RIMS1: variants seen among roughly 807,000 people sequenced by gnomAD.
RIMS1 encodes the protein regulating synaptic membrane exocytosis 1, also known as regulating synaptic membrane exocytosis protein 1.
Under a neutral mutation model 214.1 loss-of-function variants are expected in RIMS1, and 83 were observed. That is an observed-to-expected ratio of 0.39 (90% CI 0.32 to 0.47). The LOEUF (loss-of-function observed/expected upper bound fraction) is 0.47. Ranked by LOEUF, RIMS1 falls within the 20% of genes least tolerant of loss-of-function variation. RIMS1 has a pLI of 0.99. For missense variants in RIMS1, 2,050 were observed against 2,161.8 expected, an observed-to-expected ratio of 0.95 and a Z score of 1.03; for synonymous variants, 793 against 786.8, an observed-to-expected ratio of 1.01 and a Z score of -0.13.
intron 2 of RIMS1, among the ~76,000 whole-genome samples, chr6:72,029,561 TATTGGACTTCCC>T (rs1817510058): frequency 6.6e-6 from 1 of 152,168 alleles, no homozygotes; most frequent in African/African-American, 2.4e-5. Context: ...GGCATCATGA[TATTGGACTTCCC>T]AGCCTCTAGA....
intron 28 of RIMS1, among the ~76,000 whole-genome samples, chr6:72,326,057 T>C (rs1357668292): frequency 5.3e-5 from 8 of 151,824 alleles, no homozygotes; most frequent in Non-Finnish European, 1.0e-4. Flanking sequence ...ATTTTTGTTA[T>C]TTAACTTTTA....
At chr6:72,296,969 A>G (rs989705576) in intron 26 of RIMS1, among the ~76,000 whole-genome samples, 7 of 151,860 alleles carry the variant, frequency 4.6e-5, no homozygotes, top group African/African-American at 1.4e-4. Flanking sequence ...AATACCAAAT[A>G]TATTATTTCT....
chr6:72,129,652 A>G (rs2040139489), intron 4 of RIMS1, among the ~76,000 whole-genome samples: 1 of 152,088 alleles, frequency 6.6e-6, no homozygotes, highest in East Asian at 1.9e-4. Context: ...ATAAGCCTTA[A>G]TCAGTACTGC....
rs144191085 is a variant in RIMS1 at position 72,126,581 on chromosome 6, C to CA, written c.471+26605dup. On this transcript the variant is annotated intron_variant, in intron 4 of 33. Transcript: ENST00000521978. ...AACTCAAACAAATCAACAAGAAAAACAAAAAAAAAATAATTCCATCAAAAC... is the reference window on the plus strand; with the variant it reads ...AACTCAAACAAATCAACAAGAAAAACAAAAAAAAAAATAATTCCATCAAAAC... 1,047 of 160,540 alleles carry CA rather than the reference C, an allele frequency of 6.5e-3. 5 individuals are homozygous for CA. The highest frequency in any genetic ancestry group is 0.016 in the Middle Eastern group (14 of 854). The allele number at this position is 160,540 out of a possible 1,614,324, so 9.9% of individuals were successfully genotyped here. A position where few individuals can be genotyped will look rare whatever the true frequency, so the allele number is the denominator to read the frequency against.
At chr6:72,118,679 T>A (rs1350584195) in intron 4 of RIMS1, among the ~76,000 whole-genome samples, 2 of 151,682 alleles carry the variant, frequency 1.3e-5, no homozygotes, top group Non-Finnish European at 2.9e-5. Flanking sequence ...CATAAGCAGG[T>A]CAATAAATGT....
chr6:71,946,435 T>C (rs1787827944), intron 1 of RIMS1, among the ~76,000 whole-genome samples: 1 of 152,014 alleles, frequency 6.6e-6, no homozygotes, highest in Non-Finnish European at 1.5e-5. Context: ...AAAACAAACA[T>C]GTAGATCAAT....
chr6:72,325,433 G>T (rs1218514795), intron 28 of RIMS1, among the ~76,000 whole-genome samples: 1 of 150,772 alleles, frequency 6.6e-6, no homozygotes, highest in African/African-American at 2.4e-5. Context: ...TCCACTAAAA[G>T]AACCTAGAAG....
chr6:72,178,939 T>A (rs1478404308), intron 4 of RIMS1, among the ~76,000 whole-genome samples: 1 of 152,214 alleles, frequency 6.6e-6, no homozygotes, highest in African/African-American at 2.4e-5. Flanking sequence ...AGAGTCACAT[T>A]TATTGCTTTA....
At chr6:72,117,008 T>A (rs140912763) in intron 4 of RIMS1, among the ~76,000 whole-genome samples, 2 of 151,896 alleles carry the variant, frequency 1.3e-5, no homozygotes, top group Admixed American at 6.6e-5. Context: ...GAAAATTGAG[T>A]CACAACCCAA....
chr6:72,307,427 A>C (rs2095267768), intron 27 of RIMS1, 57 bp downstream of exon 27: 1 of 1,126,318 alleles, frequency 8.9e-7, no homozygotes, highest in Non-Finnish European at 1.3e-6. Flanking sequence ...TAGTGTGTGT[A>C]CCAGGCAGGA....
chr6:71,933,483 T>C (rs1582939415), intron 1 of RIMS1, among the ~76,000 whole-genome samples: 1 of 152,286 alleles, frequency 6.6e-6, no homozygotes, highest in East Asian at 1.9e-4. Context: ...AGTATTCAGT[T>C]ATTATGGAGA....
At chr6:72,253,619 G>A (rs2154141641) in intron 16 of RIMS1, among the ~76,000 whole-genome samples, 1 of 152,092 alleles carries the variant, frequency 6.6e-6, no homozygotes, top group East Asian at 1.9e-4. Context: ...GAATTTTAAA[G>A]GCAGTTTTTA....
chr6:72,221,324 T>TGTGTGA lies in RIMS1; in HGVS notation c.1679-12449_1679-12448insGTGTGA, dbSNP rs1562705390. Among the ~76,000 whole-genome samples the TGTGTGA allele has an allele frequency of 9.3e-5, 13 of 140,312 alleles. 1 individual carries two copies. The highest frequency in any genetic ancestry group is 3.1e-4 in the African/African-American group (11 of 35,344). The allele number at this position is 140,312 out of a possible 152,430, so 92.1% of individuals were successfully genotyped here. On this transcript the variant is annotated intron_variant, in intron 6 of 33. Transcript: ENST00000521978. ...TGTGTGTGTGTGTGTGTGTGTGTGA[T>TGTGTGA]TTTTTTTTTCTCATTAAAACTATTA...
intron 23 of RIMS1, among the ~76,000 whole-genome samples, chr6:72,279,404 G>A (rs2088780971): frequency 6.6e-6 from 1 of 151,920 alleles, no homozygotes; most frequent in African/African-American, 2.4e-5. Context: ...ACAGTTGAAT[G>A]TACTTTTATA....
chr6:72,370,113 C>T (rs2098168815), intron 29 of RIMS1, among the ~76,000 whole-genome samples: 1 of 152,154 alleles, frequency 6.6e-6, no homozygotes, highest in Non-Finnish European at 1.5e-5. Flanking sequence ...ACACTTTCTC[C>T]CTGGTTTTCC....
intron 2 of RIMS1, among the ~76,000 whole-genome samples, chr6:72,035,727 G>A (rs986687988): frequency 3.9e-5 from 6 of 152,128 alleles, no homozygotes; most frequent in African/African-American, 1.4e-4. Flanking sequence ...GGGAAGAAGA[G>A]AAAGAGTAGC....
At chr6:72,170,927 G>C (rs955961329) in intron 4 of RIMS1, among the ~76,000 whole-genome samples, 2 of 152,000 alleles carry the variant, frequency 1.3e-5, no homozygotes, top group Non-Finnish European at 2.9e-5. Flanking sequence ...ACACAGTTTT[G>C]TATAACTCAA....
chr6:72,400,395 G>C, intron 33 of RIMS1, 101 bp from the exon 34 acceptor site: 1 of 903,116 alleles, frequency 1.1e-6, no homozygotes, highest in South Asian at 1.4e-5. Flanking sequence ...CTTTTCCTCT[G>C]CTTCACTGAC....
chr6:71,983,463 A>G (rs574531728), intron 2 of RIMS1, among the ~76,000 whole-genome samples: 2 of 152,288 alleles, frequency 1.3e-5, no homozygotes, highest in South Asian at 4.1e-4. Flanking sequence ...TATTATTGAC[A>G]TAAACTTGAT....
Sources: gnomAD v4.1 joint callset for allele counts (sites outside exome capture counted in the v4.1 genomes callset) on GRCh38, gnomAD v4.1.1 for gene constraint, MANE v1.5 for transcripts, NCBI Gene and HGNC (gene_info 2026-07-23, HGNC 2026-07-21) for gene names.